The following CNTN5 variants were observed in gnomAD, a reference collection of about 807,000 sequenced individuals.
CNTN5 encodes contactin-5.
CNTN5 carries 77 observed loss-of-function variants against 129.1 expected under a neutral mutation model. That is an observed-to-expected ratio of 0.60 (90% CI 0.50 to 0.72). CNTN5 has a LOEUF of 0.72. CNTN5 is among the 30% of genes least tolerant of loss of function. CNTN5 has a pLI of 0.00. For missense variants in CNTN5, 1,478 were observed against 1,328.8 expected (o/e 1.11, Z -1.75); for synonymous variants, 509 against 465.6 (o/e 1.09, Z -1.20).
At chr11:99,523,986 G>A (rs1314244774) in intron 2 of CNTN5, among the ~76,000 whole-genome samples, 3 of 152,162 alleles carry the variant, frequency 2.0e-5, no homozygotes, top group African/African-American at 7.2e-5. Context: ...CTCCAGAGCT[G>A]TGCCAAAGAT....
chr11:99,935,901 T>C (rs1014511806), intron 7 of CNTN5, among the ~76,000 whole-genome samples: 1 of 152,074 alleles, frequency 6.6e-6, no homozygotes, highest in Admixed American at 6.6e-5. Flanking sequence ...AGAACAAGTA[T>C]ATTTCCTAGC....
intron 2 of CNTN5, among the ~76,000 whole-genome samples, chr11:99,388,476 G>T (rs10893278): frequency 1.3e-5 from 2 of 149,556 alleles, no homozygotes; most frequent in Non-Finnish European, 1.5e-5. Flanking sequence ...CACTTTGTAC[G>T]CTTGTAAACT....
At chr11:100,182,246 G>A (rs1383454439) in intron 13 of CNTN5, among the ~76,000 whole-genome samples, 1 of 152,016 alleles carries the variant, frequency 6.6e-6, no homozygotes, top group Non-Finnish European at 1.5e-5. Flanking sequence ...ACTGCAGCCT[G>A]GTTGCTTACA....
At chr11:99,886,901 T>A (rs532156085) in intron 6 of CNTN5, among the ~76,000 whole-genome samples, 60 of 152,142 alleles carry the variant, frequency 3.9e-4, no homozygotes, top group East Asian at 7.7e-4. Flanking sequence ...TTCTTTTTTT[T>A]AAAAAAGGAT....
chr11:99,026,303 C>A (rs2135068058), intron 1 of CNTN5, among the ~76,000 whole-genome samples: 1 of 151,580 alleles, frequency 6.6e-6, no homozygotes, highest in Non-Finnish European at 1.5e-5. Flanking sequence ...TCTTCATATT[C>A]TTTTCTAAAA....
chr11:100,335,767 CAA>C (rs61237596), intron 21 of CNTN5, among the ~76,000 whole-genome samples: 2 of 141,462 alleles, frequency 1.4e-5, no homozygotes. Flanking sequence ...GACTCCATCT[CAA>C]AAAAAAAAAG....
At chr11:99,824,822 C>T (rs1300970675) in intron 4 of CNTN5, among the ~76,000 whole-genome samples, 1 of 151,886 alleles carries the variant, frequency 6.6e-6, no homozygotes, top group Non-Finnish European at 1.5e-5. Flanking sequence ...CAGTGATCTC[C>T]ACTGATTTGT....
chr11:99,228,351 G>A (rs1860803722), intron 1 of CNTN5, among the ~76,000 whole-genome samples: 1 of 152,186 alleles, frequency 6.6e-6, no homozygotes, highest in South Asian at 2.1e-4. Context: ...GAGGAGTTTA[G>A]CACACAAAGA....
intron 6 of CNTN5, among the ~76,000 whole-genome samples, chr11:99,849,862 G>C (rs1352365455): frequency 2.0e-5 from 3 of 152,020 alleles, no homozygotes; most frequent in African/African-American, 4.8e-5. Flanking sequence ...CCCTATTCCA[G>C]TATAAATGTG....
rs115815974 is a variant in CNTN5 at position 100,284,660 on chromosome 11, C to T, written c.2315-12965C>T. Among the ~76,000 whole-genome samples the T allele has an allele frequency of 2.5e-3, 383 of 152,186 alleles. 1 individual carries two copies. The highest frequency in any genetic ancestry group is 9.0e-3 in the African/African-American group (373 of 41,520). On this transcript the variant is annotated intron_variant, in intron 18 of 24. Transcript: ENST00000524871. ...TTCTATACGTTACATGTTCTTAATA[C>T]GGTTGAAAAATAAATGAAAGGGAGA...
At chr11:99,540,399 T>C (rs1948059466) in intron 2 of CNTN5, among the ~76,000 whole-genome samples, 2 of 152,202 alleles carry the variant, frequency 1.3e-5, no homozygotes. Context: ...GGCATTTTGC[T>C]GGGTGTCTTC....
chr11:99,319,899 T>C (rs1865495193), intron 1 of CNTN5, among the ~76,000 whole-genome samples: 1 of 152,036 alleles, frequency 6.6e-6, no homozygotes. Context: ...CTGAGATATA[T>C]ACAGAGGTCA....
chr11:100,310,620 G>T (rs369054526), intron 21 of CNTN5, among the ~76,000 whole-genome samples: 1 of 151,782 alleles, frequency 6.6e-6, no homozygotes. Flanking sequence ...AGAAATAAGC[G>T]CATGATTTTT....
chr11:99,568,429 T>C (rs1208353274), intron 3 of CNTN5, among the ~76,000 whole-genome samples: 2 of 152,240 alleles, frequency 1.3e-5, no homozygotes, highest in Non-Finnish European at 2.9e-5. Context: ...CTGTAAAATA[T>C]GCTTGCTTAT....
chr11:99,139,355 T>G (rs538133924), intron 1 of CNTN5, among the ~76,000 whole-genome samples: 1 of 152,092 alleles, frequency 6.6e-6, no homozygotes, highest in African/African-American at 2.4e-5. Flanking sequence ...AAACACAGGA[T>G]GTGAATATGT....
At chr11:99,391,374 G>A (rs1349611375) in intron 2 of CNTN5, among the ~76,000 whole-genome samples, 1 of 152,204 alleles carries the variant, frequency 6.6e-6, no homozygotes, top group Non-Finnish European at 1.5e-5. Flanking sequence ...ACTTAGCATA[G>A]TGTGGAGAGA....
chr11:100,041,050 A>T (rs187597114), intron 9 of CNTN5, among the ~76,000 whole-genome samples: 64 of 152,144 alleles, frequency 4.2e-4, no homozygotes, highest in African/African-American at 1.5e-3. Context: ...TGCAGAAATC[A>T]CCCATCTTCT....
intron 1 of CNTN5, among the ~76,000 whole-genome samples, chr11:99,222,910 T>C (rs182739600): frequency 2.6e-5 from 4 of 152,292 alleles, no homozygotes. Context: ...TGTATAACCG[T>C]GAACACACAA....
chr11:99,790,631 A>T (rs1338090425), intron 3 of CNTN5, among the ~76,000 whole-genome samples: 1 of 152,134 alleles, frequency 6.6e-6, no homozygotes, highest in African/African-American at 2.4e-5. Context: ...TATGATGAAT[A>T]TACACATGCA....
Sources: allele counts gnomAD v4.1 joint callset (sites outside exome capture counted in the v4.1 genomes callset), GRCh38; gene constraint gnomAD v4.1.1; transcripts MANE v1.5; gene names NCBI Gene and HGNC (gene_info 2026-07-23, HGNC 2026-07-21).